The following MDGA2 variants were observed in gnomAD, a reference collection of about 807,000 sequenced individuals.
MDGA2 encodes the protein MAM domain-containing glycosylphosphatidylinositol anchor protein 2.
A neutral mutation model predicts 117.8 loss-of-function variants in MDGA2; 40 were observed. That is an observed-to-expected ratio of 0.34 (90% CI 0.26 to 0.44). The LOEUF (loss-of-function observed/expected upper bound fraction) is 0.44, where lower values mean the gene tolerates loss of function less well. Among genes scored for constraint, MDGA2 ranks in the 20% least tolerant of loss-of-function variants. The pLI is 1.00. For synonymous variants in MDGA2, 452 were observed against 439.0 expected, an observed-to-expected ratio of 1.03 and a Z score of -0.37; for missense variants, 1,123 against 1,250.6, an observed-to-expected ratio of 0.90 and a Z score of 1.54.
chr14:47,174,414 C>T (rs1256004773), intron 3 of MDGA2, among the ~76,000 whole-genome samples: 1 of 152,112 alleles, frequency 6.6e-6, no homozygotes, highest in Non-Finnish European at 1.5e-5. Flanking sequence ...ATCTCCCCAG[C>T]AAATCTAAAA....
At chr14:47,428,753 T>G (rs941548387) in intron 1 of MDGA2, among the ~76,000 whole-genome samples, 1 of 151,980 alleles carries the variant, frequency 6.6e-6, no homozygotes, top group Non-Finnish European at 1.5e-5. Context: ...ACACATATAT[T>G]TGTGTATACA....
At chr14:47,267,247 C>G (rs1293295631) in intron 2 of MDGA2, among the ~76,000 whole-genome samples, 2 of 151,404 alleles carry the variant, frequency 1.3e-5, no homozygotes, top group Non-Finnish European at 2.9e-5. Context: ...AGTTTTTAAT[C>G]ATAATTATAT....
chr14:47,249,364 C>T (rs1887368465), intron 2 of MDGA2, among the ~76,000 whole-genome samples: 1 of 151,966 alleles, frequency 6.6e-6, no homozygotes, highest in Non-Finnish European at 1.5e-5. Context: ...CTCTGTCACC[C>T]GGGCTGAAAT....
chr14:47,403,371 T>C (rs978075146), intron 1 of MDGA2, among the ~76,000 whole-genome samples: 1 of 152,188 alleles, frequency 6.6e-6, no homozygotes, highest in Non-Finnish European at 1.5e-5. Flanking sequence ...CCATTCCTTA[T>C]CAGTCTTCTT....
intron 2 of MDGA2, among the ~76,000 whole-genome samples, chr14:47,279,189 T>C (rs1340401838): frequency 6.6e-6 from 1 of 152,176 alleles, no homozygotes; most frequent in Non-Finnish European, 1.5e-5. Flanking sequence ...CCAAATTGAT[T>C]AAAAATGTGT....
chr14:47,588,968 C>A (rs983951129), intron 1 of MDGA2, among the ~76,000 whole-genome samples: 1 of 151,906 alleles, frequency 6.6e-6, no homozygotes, highest in Non-Finnish European at 1.5e-5. Context: ...ATTCCACCCT[C>A]TGGTTCCATC....
At chr14:46,986,449 G>A (rs1331139638) in intron 8 of MDGA2, among the ~76,000 whole-genome samples, 1 of 152,010 alleles carries the variant, frequency 6.6e-6, no homozygotes, top group Non-Finnish European at 1.5e-5. Context: ...CAATATTGAA[G>A]GCTGACAACC....
At position 46,863,991 on chromosome 14, in the gene MDGA2, T is replaced by G. The variant is rs549847022; in HGVS notation, c.2753-8837A>C. The stretch of plus-strand genomic sequence containing the variant: ...CAAAGCAGTTACATATGTATACATG[T>G]GCCATGCTGGTGCGCTGCACCCACT... On this transcript the variant is annotated intron_variant, in intron 14 of 16. Transcript: ENST00000399232. 1.3e-3 allele frequency among the ~76,000 whole-genome samples: 194 copies of G among 152,228 alleles called. 2 individuals are homozygous for G. Among genetic ancestry groups the G allele is most frequent in the African/African-American group, 4.5e-3 (186 of 41,564 alleles).
chr14:47,318,916 C>A (rs1005131297), intron 1 of MDGA2, among the ~76,000 whole-genome samples: 1 of 152,112 alleles, frequency 6.6e-6, no homozygotes, highest in African/African-American at 2.4e-5. Context: ...TTTCTAAATT[C>A]TATCTTTTCC....
chr14:46,987,784 T>A (rs1478916574), intron 8 of MDGA2, among the ~76,000 whole-genome samples: 1 of 151,898 alleles, frequency 6.6e-6, no homozygotes, highest in Non-Finnish European at 1.5e-5. Flanking sequence ...CAATTTAACC[T>A]GGATTAAGTT....
intron 3 of MDGA2, among the ~76,000 whole-genome samples, chr14:47,148,520 G>A (rs530103396): frequency 6.6e-6 from 1 of 152,130 alleles, no homozygotes; most frequent in Non-Finnish European, 1.5e-5. Flanking sequence ...AGTTGATGTA[G>A]TACGTATGAC....
At chr14:47,063,604 GT>G (rs1236534430) in intron 6 of MDGA2, among the ~76,000 whole-genome samples, 2 of 151,970 alleles carry the variant, frequency 1.3e-5, no homozygotes, top group Admixed American at 6.6e-5. Flanking sequence ...AAAAACAGAT[GT>G]AAAATTTAAT....
At position 47,191,491 on chromosome 14, in the gene MDGA2, G is replaced by A. The variant is rs141767217; in HGVS notation, c.595+26530C>T. Among the ~76,000 whole-genome samples, 3 of 150,012 alleles carry A rather than the reference G, an allele frequency of 2.0e-5. No homozygotes were observed. The East Asian group carries it at 5.9e-4, about 29-fold the overall frequency. ...TTTATAGTATCCATTATTAGAAAAG[G>A]CCATCTTACGGTTATCTTTATATTC... On this transcript the variant is annotated intron_variant, in intron 3 of 16. Transcript: ENST00000399232.
At chr14:47,283,466 A>G (rs923559814) in intron 2 of MDGA2, among the ~76,000 whole-genome samples, 7 of 152,212 alleles carry the variant, frequency 4.6e-5, no homozygotes, top group Non-Finnish European at 8.8e-5. Flanking sequence ...CTAGAACATA[A>G]CCTTATACAT....
intron 5 of MDGA2, among the ~76,000 whole-genome samples, chr14:47,098,749 T>G (rs1489891270): frequency 6.6e-6 from 1 of 151,940 alleles, no homozygotes; most frequent in Non-Finnish European, 1.5e-5. Flanking sequence ...ACAGATTAAT[T>G]TCTTTTACAT....
intron 1 of MDGA2, among the ~76,000 whole-genome samples, chr14:47,509,696 A>G (rs1305281935): frequency 6.6e-6 from 1 of 152,226 alleles, no homozygotes; most frequent in Non-Finnish European, 1.5e-5. Flanking sequence ...AGATCTCATG[A>G]AATTTGTCTT....
intron 1 of MDGA2, among the ~76,000 whole-genome samples, chr14:47,315,988 G>T (rs919976198): frequency 6.6e-5 from 10 of 151,826 alleles, no homozygotes; most frequent in Non-Finnish European, 7.4e-5. Flanking sequence ...AGTCTCCAAT[G>T]ATAAAAGAGT....
intron 2 of MDGA2, among the ~76,000 whole-genome samples, chr14:47,275,765 C>T (rs979248698): frequency 5.9e-5 from 9 of 151,920 alleles, no homozygotes; most frequent in Admixed American, 3.3e-4. Flanking sequence ...GAGTTTAGTA[C>T]ATTGAACTGA....
chr14:47,261,880 T>A (rs1887808164), intron 2 of MDGA2, among the ~76,000 whole-genome samples: 1 of 151,990 alleles, frequency 6.6e-6, no homozygotes, highest in African/African-American at 2.4e-5. Flanking sequence ...TGCAGATAAT[T>A]TTTTGCACAG....
Sources: gnomAD v4.1 joint callset for allele counts (sites outside exome capture counted in the v4.1 genomes callset) on GRCh38, gnomAD v4.1.1 for gene constraint, MANE v1.5 for transcripts, NCBI Gene and HGNC (gene_info 2026-07-23, HGNC 2026-07-21) for gene names.